C8orf34: variants seen among roughly 807,000 people sequenced by gnomAD.
The protein encoded by C8orf34 is chromosome 8 open reading frame 34, also known as uncharacterized protein C8orf34.
In C8orf34, 65 loss-of-function variants were observed where a neutral mutation model predicts 68.3. That is an observed-to-expected ratio of 0.95 (90% confidence interval 0.78 to 1.17). The LOEUF is 1.17. C8orf34 is among the 50% of genes most tolerant of loss of function. The pLI is 0.00. For missense variants in C8orf34, 664 were observed against 655.4 expected, an observed-to-expected ratio of 1.01 and a Z score of -0.14; for synonymous variants, 244 against 241.2, an observed-to-expected ratio of 1.01 and a Z score of -0.11.
chr8:68,665,014 A>T (rs1819794946), intron 8 of C8orf34, among the ~76,000 whole-genome samples: 1 of 152,238 alleles, frequency 6.6e-6, no homozygotes, highest in Non-Finnish European at 1.5e-5. Flanking sequence ...ATCCAACTAC[A>T]TGATACTCAA....
chr8:68,460,668 T>C (rs1811772512), intron 3 of C8orf34, among the ~76,000 whole-genome samples: 1 of 152,202 alleles, frequency 6.6e-6, no homozygotes, highest in African/African-American at 2.4e-5. Context: ...CGACTGCTGA[T>C]ACCCAGGCAA....
chr8:68,791,593 C>T (rs1346191595), intron 12 of C8orf34: 1 of 152,052 alleles, frequency 6.6e-6, no homozygotes, highest in Non-Finnish European at 1.5e-5. Context: ...AAACAAACAA[C>T]CAAACCAAAC....
intron 1 of C8orf34, among the ~76,000 whole-genome samples, chr8:68,424,813 T>C (rs1810138468): frequency 2.0e-5 from 3 of 152,058 alleles, no homozygotes; most frequent in Admixed American, 1.3e-4. Context: ...GGCAGTAGAA[T>C]GGTGTGAACC....
At chr8:68,341,700 C>T (rs958326792) in intron 1 of C8orf34, among the ~76,000 whole-genome samples, 1 of 152,108 alleles carries the variant, frequency 6.6e-6, no homozygotes, top group African/African-American at 2.4e-5. Context: ...GCCCATCCTG[C>T]TTTTGCCATG....
intron 5 of C8orf34, among the ~76,000 whole-genome samples, chr8:68,504,869 G>A (rs530967074): frequency 2.0e-5 from 3 of 152,010 alleles, no homozygotes; most frequent in South Asian, 4.2e-4. Context: ...AGTAGAGATG[G>A]TGTTTCACCA....
At position 68,515,628 on chromosome 8, in the gene C8orf34, T is replaced by A. The variant is rs958964853; in HGVS notation, c.766-6171T>A. Among the ~76,000 whole-genome samples the A allele has an allele frequency of 3.9e-5, 6 of 152,166 alleles. No individual in the cohort carries two copies. In the South Asian group the frequency reaches 1.0e-3, roughly 26 times the overall value. On this transcript the variant is annotated intron_variant, in intron 5 of 13. Coordinates refer to ENST00000518698, the MANE Select transcript of C8orf34 (RefSeq NM_052958.4). ...AATCATCTCATTAATATGTTCTGAGTAAAATAAAAGCAATTTTCTCCTTTT... is the reference window on the plus strand; with the variant it reads ...AATCATCTCATTAATATGTTCTGAGAAAAATAAAAGCAATTTTCTCCTTTT...
intron 8 of C8orf34, among the ~76,000 whole-genome samples, chr8:68,667,231 T>C (rs1156438993): frequency 2.6e-5 from 4 of 152,206 alleles, no homozygotes; most frequent in South Asian, 2.1e-4. Flanking sequence ...TTAATGTTTA[T>C]CAAATGCCTG....
chr8:68,372,165 TTATC>T (rs1369338823), intron 1 of C8orf34, among the ~76,000 whole-genome samples: 2 of 152,186 alleles, frequency 1.3e-5, no homozygotes, highest in African/African-American at 4.8e-5. Context: ...CCTAAATACT[TTATC>T]AATCAGGAGT....
At chr8:68,425,038 C>A (rs1340783042) in intron 1 of C8orf34, among the ~76,000 whole-genome samples, 2 of 152,076 alleles carry the variant, frequency 1.3e-5, no homozygotes, top group Non-Finnish European at 2.9e-5. Context: ...AAAGTCACAT[C>A]ATATTAATTG....
At chr8:68,529,752 A>G (rs2890431) in intron 6 of C8orf34, among the ~76,000 whole-genome samples, 30,911 of 152,094 alleles carry the variant, frequency 0.2, 4,189 homozygotes, top group African/African-American at 0.39. Flanking sequence ...ATGTTTTGAT[A>G]ATATGTTTGC....
intron 1 of C8orf34, among the ~76,000 whole-genome samples, chr8:68,384,615 G>GC: frequency 6.6e-6 from 1 of 152,310 alleles, no homozygotes; most frequent in Non-Finnish European, 1.5e-5. Context: ...TTCCATAAGG[G>GC]CATGGTTTGC....
At chr8:68,662,850 CTCA>C (rs1177323042) in intron 8 of C8orf34, among the ~76,000 whole-genome samples, 2 of 152,184 alleles carry the variant, frequency 1.3e-5, no homozygotes, top group East Asian at 3.9e-4. Flanking sequence ...GTTCAAAGCA[CTCA>C]TCATGTCAAA....
intron 10 of C8orf34, among the ~76,000 whole-genome samples, chr8:68,744,210 C>G (rs1350656357): frequency 4.6e-5 from 7 of 151,908 alleles, no homozygotes; most frequent in Non-Finnish European, 1.0e-4. Flanking sequence ...ACAGAAAGGA[C>G]ATCCACACCA....
intron 7 of C8orf34, among the ~76,000 whole-genome samples, chr8:68,537,126 A>C (rs1414138767): frequency 6.6e-6 from 1 of 152,100 alleles, no homozygotes; most frequent in Non-Finnish European, 1.5e-5. Flanking sequence ...GAATGTGCCC[A>C]CATTGGCAAA....
At chr8:68,722,047 C>T (rs1242687775) in intron 10 of C8orf34, among the ~76,000 whole-genome samples, 2 of 151,892 alleles carry the variant, frequency 1.3e-5, no homozygotes, top group Non-Finnish European at 1.5e-5. Context: ...TATTAATTTG[C>T]TAGGGCTGCC....
chr8:68,761,560 T>A (rs1823024622), intron 10 of C8orf34, among the ~76,000 whole-genome samples: 1 of 152,222 alleles, frequency 6.6e-6, no homozygotes. Flanking sequence ...TTTCTTTAGG[T>A]CTTCTGTCCT....
intron 7 of C8orf34, among the ~76,000 whole-genome samples, chr8:68,544,068 G>T (rs1262784770): frequency 6.6e-6 from 1 of 152,100 alleles, no homozygotes; most frequent in Non-Finnish European, 1.5e-5. Context: ...CTGGCATTTG[G>T]GATTGCTGAG....
At chr8:68,711,820 C>T (rs1821336417) in intron 9 of C8orf34, among the ~76,000 whole-genome samples, 1 of 152,022 alleles carries the variant, frequency 6.6e-6, no homozygotes, top group African/African-American at 2.4e-5. Context: ...ACTCCGAATA[C>T]AAGAAGCTCA....
intron 2 of C8orf34, among the ~76,000 whole-genome samples, chr8:68,442,639 AG>A (rs1810959707): frequency 1.3e-5 from 2 of 152,180 alleles, no homozygotes; most frequent in East Asian, 1.9e-4. Context: ...GAAGGATACA[AG>A]CTGTGCTGAG....
Sources: gnomAD v4.1 joint callset for allele counts (sites outside exome capture counted in the v4.1 genomes callset) on GRCh38, gnomAD v4.1.1 for gene constraint, MANE v1.5 for transcripts, NCBI Gene and HGNC (gene_info 2026-07-23, HGNC 2026-07-21) for gene names.